The following GKAP1 variants were observed in gnomAD, a reference collection of about 807,000 sequenced individuals.
GKAP1 encodes G kinase anchoring protein 1.
Under a neutral mutation model 56.7 loss-of-function variants are expected in GKAP1, and 31 were observed. The observed-to-expected ratio is 0.55, with a 90% CI of 0.41 to 0.74. The LOEUF is 0.74. Among genes scored for constraint, GKAP1 ranks in the 30% least tolerant of loss-of-function variants. The pLI is 0.00. For synonymous variants in GKAP1, 151 were observed against 138.6 expected (o/e 1.09, Z -0.63); for missense variants, 364 against 402.3 (o/e 0.90, Z 0.82).
chr9:83,767,824 T>C (rs901582896), intron 8 of GKAP1, among the ~76,000 whole-genome samples: 15 of 152,080 alleles, frequency 9.9e-5, no homozygotes, highest in Non-Finnish European at 2.1e-4. Context: ...GTAGCTGAGA[T>C]TATAGGCATG....
At chr9:83,781,689 A>G (rs556506210) in intron 6 of GKAP1, among the ~76,000 whole-genome samples, 1 of 152,334 alleles carries the variant, frequency 6.6e-6, no homozygotes, top group East Asian at 1.9e-4. Context: ...CAACTGTGTT[A>G]ATCATGACTT....
At chr9:83,784,906 A>G in intron 5 of GKAP1, 68 bp from the exon 6 acceptor site, 4 of 1,185,556 alleles carry the variant, frequency 3.4e-6, no homozygotes, top group Admixed American at 5.8e-5. Flanking sequence ...CCAACAGGTA[A>G]TATGTTTCTT....
intron 2 of GKAP1, among the ~76,000 whole-genome samples, chr9:83,811,173 T>C (rs2131328831): frequency 6.6e-6 from 1 of 152,360 alleles, no homozygotes; most frequent in Middle Eastern, 3.4e-3. Context: ...GGAGAATTGG[T>C]ACAAACTATC....
intron 4 of GKAP1, among the ~76,000 whole-genome samples, chr9:83,790,641 C>A (rs12346546): frequency 1.5e-5 from 2 of 131,498 alleles, no homozygotes; most frequent in African/African-American, 5.2e-5. Flanking sequence ...CAAAACAAAA[C>A]AAAAAAACAA....
intron 6 of GKAP1, among the ~76,000 whole-genome samples, chr9:83,782,651 G>A (rs1032232887): frequency 5.6e-5 from 8 of 143,900 alleles, no homozygotes; most frequent in Admixed American, 1.4e-4. Flanking sequence ...ATGAGCCAAC[G>A]CGCCCAGCCT....
chr9:83,790,793 C>CA (rs1382216403), intron 4 of GKAP1, among the ~76,000 whole-genome samples: 1 of 151,970 alleles, frequency 6.6e-6, no homozygotes, highest in African/African-American at 2.4e-5. Flanking sequence ...GACTAGATGA[C>CA]AGAGTGGGAC....
intron 4 of GKAP1, among the ~76,000 whole-genome samples, chr9:83,789,372 T>C (rs1024752353): frequency 1.3e-5 from 2 of 152,204 alleles, no homozygotes; most frequent in Non-Finnish European, 1.5e-5. Context: ...AAACAGAATG[T>C]TGCAGTAGTT....
rs181818927 is a variant in GKAP1, at chr9:83,740,766, G to A, written c.1054-1022C>T. On this transcript the variant is annotated intron_variant, in intron 12 of 12. Coordinates refer to ENST00000376371, the MANE Select transcript of GKAP1 (RefSeq NM_025211.4). The stretch of plus-strand genomic sequence containing the variant: ...TGTGGAAGTGCATCTCTTAAAGAGA[G>A]GTGGTTGTATCAGGGGCATATGGAG... Among the ~76,000 whole-genome samples, 49 of 152,282 alleles carry A rather than the reference G, an allele frequency of 3.2e-4. No individual in the cohort carries two copies. The East Asian group carries it at 9.1e-3, about 28-fold the overall frequency.
chr9:83,795,841 G>C (rs1474221135), intron 4 of GKAP1, among the ~76,000 whole-genome samples: 2 of 151,728 alleles, frequency 1.3e-5, no homozygotes, highest in Non-Finnish European at 2.9e-5. Flanking sequence ...GGAATGACCT[G>C]CTGCACTGGG....
chr9:83,809,360 G>A (rs2778329), intron 2 of GKAP1, among the ~76,000 whole-genome samples: 31 of 152,278 alleles, frequency 2.0e-4, no homozygotes, highest in African/African-American at 6.7e-4. Flanking sequence ...AACCTCATCC[G>A]GTGCTCCTCA....
In GKAP1 at chr9:83,805,025, A is replaced by AG. The variant is rs889088824; in HGVS notation, c.216+1276dup. On this transcript the variant is annotated intron_variant, in intron 3 of 12. Coordinates refer to ENST00000376371, the MANE Select transcript of GKAP1 (RefSeq NM_025211.4). ...GACAATGGCAGTTTTGTGGAATAGA[A>AG]GGGGGGGAAAGGTGGGGAAAAGATT... 7.2e-5 allele frequency among the ~76,000 whole-genome samples: 11 copies of AG among 152,240 alleles called. No individual in the cohort carries two copies. In the South Asian group the frequency reaches 8.3e-4, roughly 12 times the overall value.
chr9:83,754,834 T>C (rs975271852), intron 8 of GKAP1, among the ~76,000 whole-genome samples: 7 of 152,192 alleles, frequency 4.6e-5, no homozygotes, highest in African/African-American at 4.8e-5. Flanking sequence ...GTGAGACTTA[T>C]GTTTGCAAAG....
At chr9:83,795,588 CTTTT>C (rs58291258) in intron 4 of GKAP1, among the ~76,000 whole-genome samples, 27 of 109,050 alleles carry the variant, frequency 2.5e-4, no homozygotes, top group African/African-American at 8.8e-4. Flanking sequence ...CTGAGAGTGT[CTTTT>C]TTTTTTTTTT....
chr9:83,760,891 A>G (rs1171004661), intron 8 of GKAP1, among the ~76,000 whole-genome samples: 2 of 152,054 alleles, frequency 1.3e-5, no homozygotes, highest in Admixed American at 6.6e-5. Context: ...AGTTATAGCT[A>G]TAAGTGCCTA....
At chr9:83,803,457 G>A (rs1264325892) in intron 3 of GKAP1, among the ~76,000 whole-genome samples, 1 of 152,204 alleles carries the variant, frequency 6.6e-6, no homozygotes, top group Admixed American at 6.5e-5. Context: ...GTTTCGCTGT[G>A]TTGGCCGGGC....
At chr9:83,806,073 T>C (rs1486502155) in intron 3 of GKAP1, among the ~76,000 whole-genome samples, 1 of 150,996 alleles carries the variant, frequency 6.6e-6, no homozygotes, top group African/African-American at 2.4e-5. Context: ...ACTGTGATCA[T>C]CCCACTGCAC....
rs142189313 is a variant in GKAP1, at chr9:83,783,106, T to G, written c.562+1609A>C. ...AATCTTCTAAATATATTCTCTGATT[T>G]TCAAAGAAAGGCTTATTTCTGAAAG... On this transcript the variant is annotated intron_variant, in intron 6 of 12. Transcript: ENST00000376371. Among the ~76,000 whole-genome samples, 261 of 152,376 alleles carry G rather than the reference T, an allele frequency of 1.7e-3. 1 individual carries two copies. The highest frequency in any genetic ancestry group is 5.8e-3 in the African/African-American group (243 of 41,594).
intron 5 of GKAP1, 52 bp downstream of exon 5, chr9:83,788,549 C>T: frequency 9.7e-7 from 1 of 1,032,090 alleles, no homozygotes; most frequent in Non-Finnish European, 1.4e-6. Context: ...TTGATTTTAA[C>T]CTCTCACCAC....
chr9:83,763,363 A>T (rs1042354519), intron 8 of GKAP1, among the ~76,000 whole-genome samples: 1 of 152,218 alleles, frequency 6.6e-6, no homozygotes, highest in Non-Finnish European at 1.5e-5. Flanking sequence ...AATAAGACCT[A>T]GTATTTGATA....
Sources: allele counts gnomAD v4.1 joint callset (sites outside exome capture counted in the v4.1 genomes callset), GRCh38; gene constraint gnomAD v4.1.1; transcripts MANE v1.5; gene names NCBI Gene and HGNC (gene_info 2026-07-23, HGNC 2026-07-21).